RNF19B: variants seen among roughly 807,000 people sequenced by gnomAD.
RNF19B encodes ring finger protein 19B.
In RNF19B, 23 loss-of-function variants were observed where a neutral mutation model predicts 65.5. That is an observed-to-expected ratio of 0.35 (90% confidence interval 0.25 to 0.50). The LOEUF is 0.50. Among genes scored for constraint, RNF19B ranks in the 20% least tolerant of loss-of-function variants. The pLI is 0.98. For missense variants in RNF19B, 794 were observed against 980.0 expected (o/e 0.81, Z 2.53); for synonymous variants, 372 against 379.6 (o/e 0.98, Z 0.23).
chr1:32,938,305 C>T (rs1192322101), intron 8 of RNF19B, 92 bp downstream of exon 8: 5 of 1,324,652 alleles, frequency 3.8e-6, no homozygotes, highest in Non-Finnish European at 5.4e-6. Flanking sequence ...GGAGATGGTA[C>T]ATACAGCCCT....
At chr1:32,951,958 C>CTT (rs34442939) in intron 1 of RNF19B, among the ~76,000 whole-genome samples, 11 of 123,170 alleles carry the variant, frequency 8.9e-5, no homozygotes, top group Non-Finnish European at 1.2e-4. Flanking sequence ...CCACGCCCGG[C>CTT]TTTTTTTTTT....
intron 1 of RNF19B, among the ~76,000 whole-genome samples, chr1:32,962,654 T>C (rs1405415335): frequency 6.6e-6 from 1 of 152,216 alleles, no homozygotes; most frequent in Non-Finnish European, 1.5e-5. Flanking sequence ...TAGGCTACAA[T>C]TAAAAGTCCT....
At chr1:32,930,130 GAC>G in the RNF19B span, among the ~76,000 whole-genome samples, 4 of 152,162 alleles carry the variant, frequency 2.6e-5, no homozygotes, top group Non-Finnish European at 5.9e-5. Flanking sequence ...TATTATTTGA[GAC>G]AGAGTCTTGC....
chr1:32,960,399 T>C (rs1373639686), intron 1 of RNF19B, among the ~76,000 whole-genome samples: 5 of 152,204 alleles, frequency 3.3e-5, no homozygotes, highest in Non-Finnish European at 7.3e-5. Context: ...AGGAGGTAAC[T>C]GGGACTTGGA....
intron 6 of RNF19B, among the ~76,000 whole-genome samples, chr1:32,943,205 T>C (rs1012706161): frequency 6.6e-6 from 1 of 151,860 alleles, no homozygotes; most frequent in South Asian, 2.1e-4. Flanking sequence ...ACGTTACTTG[T>C]GCCCTACGTT....
chr1:32,931,917 A>G (rs1177906421), downstream of RNF19B, among the ~76,000 whole-genome samples: 2 of 152,142 alleles, frequency 1.3e-5, no homozygotes, highest in South Asian at 2.1e-4. Context: ...TCATTTTCCA[A>G]TGGTGACTAG....
rs753786777 is a variant in RNF19B at position 32,944,031 on chromosome 1, C to A, written c.1390G>T (p.Gly464Cys). Reference sequence around the variant, plus strand: ...TCCTGCTTTTTACCTGTGATTGGACCATCATCTTCATCAAATTCAATTTTC... The same window carrying A: ...TCCTGCTTTTTACCTGTGATTGGACAATCATCTTCATCAAATTCAATTTTC... The part of the protein sequence containing the change: ...GVKIEFDEDD[G>C]PITVADAWRA... The change falls in exon 6 of 9, where the codon GGT becomes TGT. Residue 464 changes from glycine to cysteine, a missense_variant. Gly to Cys is a radical substitution (Grantham distance 159). Coordinates refer to ENST00000235150, the MANE Select transcript of RNF19B (RefSeq NM_001300826.2). The A allele has an allele frequency of 1.9e-6, 3 of 1,608,926 alleles. No individual in the cohort carries two copies. The highest frequency in any genetic ancestry group is 2.5e-6 in the Non-Finnish European group (3 of 1,176,962).
At chr1:32,930,074 T>C in the RNF19B span, among the ~76,000 whole-genome samples, 4 of 152,232 alleles carry the variant, frequency 2.6e-5, no homozygotes, top group Non-Finnish European at 4.4e-5. Context: ...AGGTCACACA[T>C]ATGATAAATC....
downstream of RNF19B, among the ~76,000 whole-genome samples, chr1:32,931,772 T>A (rs1254563334): frequency 1.3e-5 from 2 of 152,244 alleles, no homozygotes; most frequent in Non-Finnish European, 2.9e-5. Context: ...ACCCCTCTAG[T>A]GTAGTCACCA....
At chr1:32,942,768 T>G (rs1642267311) in intron 6 of RNF19B, among the ~76,000 whole-genome samples, 1 of 152,220 alleles carries the variant, frequency 6.6e-6, no homozygotes, top group Admixed American at 6.5e-5. Flanking sequence ...ACACTGTTGC[T>G]TCCATGTAAC....
chr1:32,946,714 G>A, intron 3 of RNF19B, 150 bp from the exon 4 acceptor site: 2 of 672,538 alleles, frequency 3.0e-6, no homozygotes, highest in East Asian at 3.0e-5. Context: ...GAGAGCAAAG[G>A]ACAAGGCCAG....
At position 32,938,674 on chromosome 1, in the gene RNF19B, T is replaced by C. The variant is rs181257598; in HGVS notation, c.1611-146A>G. 2.2e-3 allele frequency: 1,714 copies of C among 766,678 alleles called. 17 individuals carry two copies. Among genetic ancestry groups the C allele is most frequent in the Non-Finnish European group, 1.3e-3 (598 of 468,944 alleles). The allele number at this position is 766,678 out of a possible 1,614,324, so 47.5% of individuals were successfully genotyped here. A position where few individuals can be genotyped will look rare whatever the true frequency, so the allele number is the denominator to read the frequency against. ...CCAACTGTCAAACAGCGCAAATAGA[T>C]GCCCATACATTTTTTCTCTTAAATA... is the stretch of plus-strand genomic sequence containing the variant. On this transcript the variant is annotated intron_variant, in intron 7 of 8. Coordinates refer to ENST00000235150, the MANE Select transcript of RNF19B (RefSeq NM_001300826.2).
At chr1:32,929,337 TA>T in the RNF19B span, among the ~76,000 whole-genome samples, 1 of 152,200 alleles carries the variant, frequency 6.6e-6, no homozygotes, top group Non-Finnish European at 1.5e-5. Flanking sequence ...TCATCTTAAT[TA>T]TATCTGCAAC....
the RNF19B span, among the ~76,000 whole-genome samples, chr1:32,929,545 T>G: frequency 1.3e-5 from 2 of 152,210 alleles, no homozygotes; most frequent in South Asian, 4.1e-4. Context: ...CCTAAAGGCC[T>G]GGGCATTTCC....
chr1:32,942,324 G>C lies in RNF19B; in HGVS notation c.1538C>G (p.Ala513Gly). ...GCCCCCTGAGAGGGCTGCAAAGCTGGCCGTTTCGCTGTAAGGACCTTGCAT... is the reference window on the plus strand; with the variant it reads ...GCCCCCTGAGAGGGCTGCAAAGCTGCCCGTTTCGCTGTAAGGACCTTGCAT... ...SVMQGPYSET[A>G]SFAALSGGTL... Residue 513 changes from alanine to glycine, a missense_variant, in exon 7 of 9, where the codon GCC becomes GGC. Coordinates refer to ENST00000235150, the MANE Select transcript of RNF19B (RefSeq NM_001300826.2). The C allele has an allele frequency of 1.9e-6, 3 of 1,614,114 alleles. No individual in the cohort carries two copies. Among genetic ancestry groups the C allele is most frequent in the Non-Finnish European group, 1.7e-6 (2 of 1,179,986 alleles).
downstream of RNF19B, among the ~76,000 whole-genome samples, chr1:32,933,992 T>C (rs1485033750): frequency 6.6e-6 from 1 of 152,202 alleles, no homozygotes; most frequent in East Asian, 1.9e-4. Context: ...CTCTCGAGGC[T>C]TCAAGAGAAT....
At chr1:32,929,434 C>T in the RNF19B span, among the ~76,000 whole-genome samples, 3 of 152,138 alleles carry the variant, frequency 2.0e-5, no homozygotes, top group Admixed American at 6.5e-5. Context: ...GGACACAATT[C>T]GACCCATAAC....
At chr1:32,961,041 A>C (rs549673564) in intron 1 of RNF19B, among the ~76,000 whole-genome samples, 14 of 152,304 alleles carry the variant, frequency 9.2e-5, no homozygotes, top group African/African-American at 3.4e-4. Context: ...CAAAGCCACT[A>C]GGCACATCCC....
At chr1:32,959,363 A>G (rs919227982) in intron 1 of RNF19B, among the ~76,000 whole-genome samples, 1 of 152,222 alleles carries the variant, frequency 6.6e-6, no homozygotes, top group Non-Finnish European at 1.5e-5. Flanking sequence ...CTCACCCGTC[A>G]GTCTCCTAGA....
Sources: allele counts gnomAD v4.1 joint callset (sites outside exome capture counted in the v4.1 genomes callset), GRCh38; gene constraint gnomAD v4.1.1; transcripts MANE v1.5; gene names NCBI Gene and HGNC (gene_info 2026-07-23, HGNC 2026-07-21).